The following FGD2 variants were observed in gnomAD, a reference collection of about 807,000 sequenced individuals.
FGD2 encodes the protein FYVE, RhoGEF and PH domain containing 2, also known as FYVE, RhoGEF and PH domain-containing protein 2.
FGD2 carries 52 observed loss-of-function variants against 75.9 expected under a neutral mutation model. The observed-to-expected ratio is 0.69, with a 90% CI of 0.55 to 0.86. The LOEUF is 0.86. Ranked by LOEUF, FGD2 falls within the 40% of genes least tolerant of loss-of-function variation. The pLI is 0.00. For synonymous variants in FGD2, 347 were observed against 348.6 expected (o/e 1.00, Z 0.05); for missense variants, 790 against 872.0 (o/e 0.91, Z 1.18).
At chr6:37,026,673 C>A (rs1415116582) in intron 14 of FGD2, among the ~76,000 whole-genome samples, 1 of 152,136 alleles carries the variant, frequency 6.6e-6, no homozygotes, top group Non-Finnish European at 1.5e-5. Context: ...AGGTCCCAGC[C>A]TGTGCCAGCT....
At chr6:37,006,575 G>A (rs1005915899) in intron 1 of FGD2, among the ~76,000 whole-genome samples, 1 of 152,104 alleles carries the variant, frequency 6.6e-6, no homozygotes, top group Admixed American at 6.5e-5. Context: ...CAGATGCGTG[G>A]AGTCATTGGT....
chr6:37,007,831 G>C (rs1351267221), intron 1 of FGD2, among the ~76,000 whole-genome samples: 2 of 152,340 alleles, frequency 1.3e-5, no homozygotes, highest in Admixed American at 1.3e-4. Context: ...GTGCCAGGGA[G>C]GGGTGGGAGA....
At chr6:37,015,115 T>C in intron 8 of FGD2, 77 bp downstream of exon 8, 1 of 1,516,012 alleles carries the variant, frequency 6.6e-7, no homozygotes, top group Non-Finnish European at 8.9e-7. Flanking sequence ...TCATACTGCC[T>C]GGCCTCTACC....
chr6:37,007,929 C>T (rs1023482768), intron 1 of FGD2, among the ~76,000 whole-genome samples: 3 of 152,110 alleles, frequency 2.0e-5, no homozygotes, highest in Non-Finnish European at 4.4e-5. Flanking sequence ...ACTTTGACTC[C>T]GCGGACCTGT....
At chr6:37,024,518 A>C (rs1474797460) in intron 13 of FGD2, 1 of 152,174 alleles carries the variant, frequency 6.6e-6, no homozygotes, top group Non-Finnish European at 1.5e-5. Context: ...AAATACATAC[A>C]TATAGAGAGA....
chr6:37,015,838 G>T lies in FGD2; in HGVS notation c.1100G>T (p.Arg367Leu), dbSNP rs1422414787. 4 of 1,588,500 alleles carry T rather than the reference G, an allele frequency of 2.5e-6. No homozygotes were observed. The highest frequency in any genetic ancestry group is 2.3e-5 in the South Asian group (2 of 86,584). Residue 367 changes from arginine to leucine, a missense_variant, in exon 9 of 16, where the codon CGC becomes CTC. Coordinates refer to ENST00000274963, the MANE Select transcript of FGD2 (RefSeq NM_173558.4). Reference sequence around the variant, plus strand: ...GGCGCCCAGTTCCAGGTGAGGACCCGCATCGATGTGGCCGGGATGAAGGTA... The same window carrying T: ...GGCGCCCAGTTCCAGGTGAGGACCCTCATCGATGTGGCCGGGATGAAGGTA... ...QVGAQFQVRTRIDVAGMKVRE... is the reference protein window; with the variant it reads ...QVGAQFQVRTLIDVAGMKVRE...
At chr6:37,013,349 C>A in intron 4 of FGD2, 1 of 883,574 alleles carries the variant, frequency 1.1e-6, no homozygotes, top group Non-Finnish European at 1.5e-6. Flanking sequence ...AGTTACTGAA[C>A]ACCTGCTGTG....
In FGD2 at chr6:37,021,007, C is replaced by T. The variant is rs114349840; in HGVS notation, c.1233+268C>T. Among the ~76,000 whole-genome samples, 997 of 142,268 alleles carry T rather than the reference C, an allele frequency of 7.0e-3. 9 individuals carry two copies. The highest frequency in any genetic ancestry group is 0.01 in the Non-Finnish European group (692 of 66,338). 93.3% of individuals were successfully genotyped at this position (142,268 alleles called of 152,430 possible). A position where few individuals can be genotyped will look rare whatever the true frequency, so the allele number is the denominator to read the frequency against. On this transcript the variant is annotated intron_variant, in intron 11 of 15. Coordinates refer to ENST00000274963, the MANE Select transcript of FGD2 (RefSeq NM_173558.4). Reference sequence around the variant, plus strand: ...GTGTATGTGTGCATGCATGTGTGTGCGTGTGTACATGTATGTGTGTATGTG... The same window carrying T: ...GTGTATGTGTGCATGCATGTGTGTGTGTGTGTACATGTATGTGTGTATGTG...
chr6:37,014,206 A>G, intron 6 of FGD2, 106 bp downstream of exon 6: 2 of 1,332,058 alleles, frequency 1.5e-6, no homozygotes, highest in South Asian at 1.4e-5. Context: ...AGTCATCAAC[A>G]TCAACCACTG....
At chr6:37,022,402 C>T (rs772725727) in intron 13 of FGD2, 32 bp downstream of exon 13, 2 of 1,537,354 alleles carry the variant, frequency 1.3e-6, no homozygotes, top group Non-Finnish European at 1.7e-6. Flanking sequence ...CCTGCCTCCA[C>T]CTGCGTCACC....
At chr6:37,022,567 T>C (rs1018465109) in intron 13 of FGD2, 197 bp downstream of exon 13, 4 of 670,778 alleles carry the variant, frequency 6.0e-6, no homozygotes, top group Admixed American at 4.1e-5. Context: ...GCCTCTATCT[T>C]TCCTACCTAG....
chr6:37,028,413 C>T lies in FGD2; in HGVS notation c.*250C>T. The T allele has an allele frequency of 2.1e-6, 1 of 472,788 alleles. No homozygotes were observed. The highest frequency in any genetic ancestry group is 3.8e-6 in the Non-Finnish European group (1 of 265,316). 29.3% of individuals were successfully genotyped at this position (472,788 alleles called of 1,614,324 possible). On this transcript the variant is annotated 3_prime_UTR_variant, in exon 16 of 16. Coordinates refer to ENST00000274963, the MANE Select transcript of FGD2 (RefSeq NM_173558.4). ...GGGGGCTCCTGGGCCATGGGACTTC[C>T]AGTGCTAAAACTGGGAAAGCCCCAG...
chr6:37,018,339 C>G (rs956195963), intron 9 of FGD2, among the ~76,000 whole-genome samples: 12 of 152,190 alleles, frequency 7.9e-5, no homozygotes, highest in Admixed American at 7.2e-4. Context: ...AGCAGCCGCA[C>G]AGCACCCTCT....
In FGD2 at chr6:37,021,604, G is replaced by A; in HGVS notation, c.1326G>A (p.Glu442=). The part of the protein sequence containing the change: ...QGPEGDIQEQ[E]LQSEELGLRA... ...CTGAGGGAGACATCCAGGAGCAGGA[G>A]GTAAATGAAGGCTTTTTCATCCCTT... Residue 442 remains glutamate (E), a splice_region_variant and synonymous_variant, in exon 12 of 16, where the codon GAG becomes GAA. Transcript: ENST00000274963. 1.9e-6 allele frequency: 3 copies of A among 1,613,316 alleles called. No individual in the cohort carries two copies. Among genetic ancestry groups the A allele is most frequent in the Non-Finnish European group, 2.5e-6 (3 of 1,179,504 alleles).
intron 9 of FGD2, among the ~76,000 whole-genome samples, chr6:37,019,754 CCT>C (rs1765474824): frequency 6.6e-6 from 1 of 152,142 alleles, no homozygotes. Context: ...GCTCTCTTGC[CCT>C]CTCTGAGCAT....
In FGD2 at chr6:37,028,094, G is replaced by A. The variant is rs1441494495; in HGVS notation, c.1899G>A (p.Val633=). 4 of 1,613,136 alleles carry A rather than the reference G, an allele frequency of 2.5e-6. No individual in the cohort carries two copies. Among genetic ancestry groups the A allele is most frequent in the Non-Finnish European group, 1.7e-6 (2 of 1,179,926 alleles). ...AETEELKGRW[V]KAMERAASGW... ...CGGAGGAGCTGAAGGGCCGCTGGGT[G>A]AAGGCCATGGAGCGGGCGGCCAGTG... Residue 633 remains valine (V), a synonymous_variant, in exon 16 of 16, where the codon GTG becomes GTA. Coordinates refer to ENST00000274963, the MANE Select transcript of FGD2 (RefSeq NM_173558.4).
chr6:37,025,803 C>T lies in FGD2; in HGVS notation c.1470C>T (p.Ala490=), dbSNP rs1765791498. ...TGTGTCCTCCTCAGGTGGTGTGTGC[C>T]AGGTGCTCCGACTACCGGGCCGAAC... The part of the protein sequence containing the change: ...HCRACGYVVC[A]RCSDYRAELK... The change falls in exon 14 of 16, where the codon GCC becomes GCT. Residue 490 remains alanine (A), a synonymous_variant. Coordinates refer to ENST00000274963, the MANE Select transcript of FGD2 (RefSeq NM_173558.4). The T allele has an allele frequency of 6.2e-7, 1 of 1,614,184 alleles. No individual in the cohort carries two copies. Among genetic ancestry groups the T allele is most frequent in the East Asian group, 2.2e-5 (1 of 44,878 alleles).
intron 15 of FGD2, 127 bp from the exon 16 acceptor site, chr6:37,027,821 A>G (rs1228382820): frequency 1.7e-6 from 2 of 1,166,650 alleles, no homozygotes; most frequent in Non-Finnish European, 2.4e-6. Context: ...GGCCTTCACC[A>G]GCCCACCCCC....
At chr6:37,018,822 C>T (rs1765431167) in intron 9 of FGD2, among the ~76,000 whole-genome samples, 1 of 152,208 alleles carries the variant, frequency 6.6e-6, no homozygotes. Flanking sequence ...AGTTTGCCAA[C>T]AGATGTCAGT....
Sources: allele counts gnomAD v4.1 joint callset (sites outside exome capture counted in the v4.1 genomes callset), GRCh38; gene constraint gnomAD v4.1.1; transcripts MANE v1.5; gene names NCBI Gene and HGNC (gene_info 2026-07-23, HGNC 2026-07-21).